The following SMG8 variants were observed in gnomAD, a reference collection of about 807,000 sequenced individuals.
SMG8 encodes the protein SMG8 nonsense mediated mRNA decay factor.
SMG8 carries 49 observed loss-of-function variants against 82.1 expected under a neutral mutation model. The ratio of observed to expected loss-of-function variants is 0.60; its 90% confidence interval spans 0.47 to 0.76. The LOEUF is 0.76. Ranked by LOEUF, SMG8 falls within the 30% of genes least tolerant of loss-of-function variation. SMG8 has a pLI of 0.00. For synonymous variants in SMG8, 404 were observed against 430.0 expected, an observed-to-expected ratio of 0.94 and a Z score of 0.75; for missense variants, 969 against 1,166.4, an observed-to-expected ratio of 0.83 and a Z score of 2.46.
intron 1 of SMG8, chr17:59,212,061 T>C (rs1267172733): frequency 4.7e-6 from 2 of 427,954 alleles, no homozygotes; most frequent in African/African-American, 4.1e-5. Flanking sequence ...AGTATAAAAT[T>C]TCAGACATCT....
Position 59,213,148 on chromosome 17 carries a change from G to A in SMG8, c.2325G>A (p.Lys775=). The change falls in exon 3 of 4, where the codon AAG becomes AAA. Residue 775 remains lysine, a synonymous_variant. Coordinates refer to ENST00000300917, the MANE Select transcript of SMG8 (RefSeq NM_018149.7). ...SWSLVKLGPA[K]SYNFHTGLDQ... ...CTTTGGTTAAACTAGGCCCTGCTAAGTCTTATAACTTTCATACAGGTTTGG... is the reference window on the plus strand; with the variant it reads ...CTTTGGTTAAACTAGGCCCTGCTAAATCTTATAACTTTCATACAGGTTTGG... 6.2e-7 allele frequency: 1 copy of A among 1,614,216 alleles called. No homozygotes were observed. The highest frequency in any genetic ancestry group is 8.5e-7 in the Non-Finnish European group (1 of 1,180,048).
In SMG8 at chr17:59,210,348, G is replaced by C. The variant is rs1437174341; in HGVS notation, c.297G>C (p.Val99=). The change falls in exon 1 of 4, where the codon GTG becomes GTC. Residue 99 remains valine (V), a synonymous_variant. Transcript: ENST00000300917. ...GPGIRTEAGA[V]GEAGGAEDPG... ...GAATCAGAACTGAGGCTGGCGCCGT[G>C]GGTGAGGCCGGTGGAGCCGAGGACC... 1.2e-6 allele frequency: 2 copies of C among 1,612,034 alleles called. No individual in the cohort carries two copies. The highest frequency in any genetic ancestry group is 1.1e-5 in the South Asian group (1 of 90,834).
chr17:59,210,833 G>A lies in SMG8; in HGVS notation c.782G>A (p.Cys261Tyr). 6.2e-7 allele frequency: 1 copy of A among 1,614,138 alleles called. No individual in the cohort carries two copies. Among genetic ancestry groups the A allele is most frequent in the Non-Finnish European group, 8.5e-7 (1 of 1,180,040 alleles). Residue 261 changes from cysteine to tyrosine, a missense_variant, in exon 1 of 4, where the codon TGC becomes TAC. Around this residue, in one of 3 missense-constraint regions of SMG8, gnomAD observed 662 missense variants for 884.8 expected, o/e 0.75. Coordinates refer to ENST00000300917, the MANE Select transcript of SMG8 (RefSeq NM_018149.7). Reference sequence around the variant, plus strand: ...GACTGGAAGCTAAACTGCCGACCTTGCCCACCTAGACTCCTTTTCCTCTTT... The same window carrying A: ...GACTGGAAGCTAAACTGCCGACCTTACCCACCTAGACTCCTTTTCCTCTTT... ...GKDWKLNCRPCPPRLLFLFQL... is the reference protein window; with the variant it reads ...GKDWKLNCRPYPPRLLFLFQL...
chr17:59,213,324 G>A lies in SMG8; in HGVS notation c.2501G>A (p.Gly834Glu), dbSNP rs2046953666. The A allele has an allele frequency of 6.2e-7, 1 of 1,614,116 alleles. No individual in the cohort carries two copies. The highest frequency in any genetic ancestry group is 1.3e-5 in the African/African-American group (1 of 74,952). Residue 834 changes from glycine to glutamate, a missense_variant, in exon 3 of 4, where the codon GGA becomes GAA. By Grantham distance (98) the Gly-to-Glu change is moderately conservative (BLOSUM62 -2). Transcript: ENST00000300917. Reference protein sequence around the residue: ...IPGKRSAVVMGRGRRRDDIAR... With the variant: ...IPGKRSAVVMERGRRRDDIAR... ...GGAAAGAGAAGTGCGGTTGTAATGG[G>A]AAGAGGAAGACGGCGAGATGACATA...
Position 59,210,846 on chromosome 17 carries a change from C to T in SMG8, c.795C>T (p.Leu265=). 6.2e-7 allele frequency: 1 copy of T among 1,614,204 alleles called. No individual in the cohort carries two copies. Residue 265 remains leucine (L), a synonymous_variant, in exon 1 of 4, where the codon CTC becomes CTT. Transcript: ENST00000300917. The stretch of plus-strand genomic sequence containing the variant: ...ACTGCCGACCTTGCCCACCTAGACT[C>T]CTTTTCCTCTTTCAACTCAATGGAG... ...KLNCRPCPPR[L]LFLFQLNGAL...
intron 1 of SMG8, 58 bp from the exon 2 acceptor site, chr17:59,212,283 G>A: frequency 4.8e-6 from 7 of 1,457,388 alleles, no homozygotes; most frequent in South Asian, 4.4e-5. Context: ...GTTGTAGAAT[G>A]CAAAGTAAAT....
At chr17:59,213,751 C>A in intron 3 of SMG8, 150 bp downstream of exon 3, 3 of 1,040,568 alleles carry the variant, frequency 2.9e-6, no homozygotes, top group Non-Finnish European at 4.1e-6. Context: ...CTTTGGGAGG[C>A]CAAGGTGGGA....
rs771507360 is a variant in SMG8 at position 59,210,133 on chromosome 17, A to C, written c.82A>C (p.Thr28Pro). The C allele has an allele frequency of 1.4e-5, 22 of 1,587,150 alleles. No homozygotes were observed. The highest frequency in any genetic ancestry group is 1.8e-5 in the Non-Finnish European group (21 of 1,168,264). ...CTCTGAAAGTCCCGGAGGGTCCCCTACTGAGGGCGGAGGGAGCGCGGCTGG... is the reference window on the plus strand; with the variant it reads ...CTCTGAAAGTCCCGGAGGGTCCCCTCCTGAGGGCGGAGGGAGCGCGGCTGG... ...MGSESPGGSP[T>P]EGGGSAAGGP... The change falls in exon 1 of 4, where the codon ACT (threonine) becomes CCT (proline). Residue 28 changes from threonine to proline, a missense_variant. Thr to Pro is a conservative substitution (Grantham distance 38). Coordinates refer to ENST00000300917, the MANE Select transcript of SMG8 (RefSeq NM_018149.7).
At position 59,210,627 on chromosome 17, in the gene SMG8, A is replaced by G. The variant is rs755434375; in HGVS notation, c.576A>G (p.Gln192=). The change falls in exon 1 of 4, where the codon CAA becomes CAG. Residue 192 remains glutamine, a synonymous_variant. Coordinates refer to ENST00000300917, the MANE Select transcript of SMG8 (RefSeq NM_018149.7). ...HAEAHEFWKH[Q]EKLQCLSLLY... The stretch of plus-strand genomic sequence containing the variant: ...AAGCACACGAGTTCTGGAAGCATCA[A>G]GAGAAGCTGCAGTGCCTCAGTCTCC... 2.5e-6 allele frequency: 4 copies of G among 1,611,336 alleles called. 1 individual carries two copies. The South Asian group carries it at 3.3e-5, about 13-fold the overall frequency.
rs751425986 is a variant in SMG8 at position 59,213,557 on chromosome 17, G to T, written c.2734G>T (p.Val912Phe). 6.2e-7 allele frequency: 1 copy of T among 1,613,788 alleles called. No homozygotes were observed. Residue 912 changes from valine (V) to phenylalanine (F), a missense_variant, in exon 3 of 4, where the codon GTT (valine) becomes TTT (phenylalanine). Physicochemically the swap from Val to Phe is conservative, Grantham distance 50. Coordinates refer to ENST00000300917, the MANE Select transcript of SMG8 (RefSeq NM_018149.7). ...PHYAQLMRLF[V>F]VVPDAPLQII... ...TTATGCTCAACTTATGAGGCTTTTT[G>T]TTGTGGTTCCTGATGCTCCTTTGCA...
rs1446457737 is a variant in SMG8 at position 59,211,608 on chromosome 17, C to T, written c.1557C>T (p.Tyr519=). 6.2e-7 allele frequency: 1 copy of T among 1,614,162 alleles called. No individual in the cohort carries two copies. Among genetic ancestry groups the T allele is most frequent in the African/African-American group, 1.3e-5 (1 of 75,062 alleles). ...SAYQSNLPHN[Y]TMTVHKNQLA... is the part of the protein sequence containing the mutation. ...ACCAGTCAAATTTGCCTCATAATTACACAATGACTGTCCATAAGAATCAGC... is the reference window on the plus strand; with the variant it reads ...ACCAGTCAAATTTGCCTCATAATTATACAATGACTGTCCATAAGAATCAGC... The change falls in exon 1 of 4, where the codon TAC becomes TAT. Residue 519 remains tyrosine, a synonymous_variant. Transcript: ENST00000300917.
chr17:59,210,701 G>A lies in SMG8; in HGVS notation c.650G>A (p.Cys217Tyr), dbSNP rs1205710242. The A allele has an allele frequency of 2.5e-6, 4 of 1,613,928 alleles. No homozygotes were observed. Among genetic ancestry groups the A allele is most frequent in the Non-Finnish European group, 3.4e-6 (4 of 1,180,016 alleles). ...ATCTTGCTTCTGGTCCATCCCACTTGTTCCTTTGATATCACTTATGATCGA... is the reference window on the plus strand; with the variant it reads ...ATCTTGCTTCTGGTCCATCCCACTTATTCCTTTGATATCACTTATGATCGA... ...CHILLLVHPT[C>Y]SFDITYDRVF... is the part of the protein sequence containing the mutation. The change falls in exon 1 of 4, where the codon TGT becomes TAT. Residue 217 changes from cysteine to tyrosine, a missense_variant. Transcript: ENST00000300917.
At chr17:59,213,741 C>A in intron 3 of SMG8, 140 bp downstream of exon 3, 1 of 1,124,412 alleles carries the variant, frequency 8.9e-7, no homozygotes, top group South Asian at 1.7e-5. Flanking sequence ...AATCCCAGAA[C>A]TTTGGGAGGC....
chr17:59,211,364 C>G lies in SMG8; in HGVS notation c.1313C>G (p.Ser438Cys). 6.2e-7 allele frequency: 1 copy of G among 1,614,184 alleles called. No individual in the cohort carries two copies. Among genetic ancestry groups the G allele is most frequent in the Non-Finnish European group, 8.5e-7 (1 of 1,180,038 alleles). The change falls in exon 1 of 4, where the codon TCC (serine) becomes TGC (cysteine). Residue 438 changes from serine (S) to cysteine (C), a missense_variant. Coordinates refer to ENST00000300917, the MANE Select transcript of SMG8 (RefSeq NM_018149.7). ...DDSVGRNPQP[S>C]HFELPTYQKW... Reference sequence around the variant, plus strand: ...AGTGTGGGCAGGAACCCACAGCCTTCCCATTTTGAACTTCCTACTTATCAG... The same window carrying G: ...AGTGTGGGCAGGAACCCACAGCCTTGCCATTTTGAACTTCCTACTTATCAG...
At position 59,211,173 on chromosome 17, in the gene SMG8, T is replaced by G; in HGVS notation, c.1122T>G (p.Ser374=). Residue 374 remains serine (S), a synonymous_variant, in exon 1 of 4, where the codon TCT becomes TCG. Coordinates refer to ENST00000300917, the MANE Select transcript of SMG8 (RefSeq NM_018149.7). Reference sequence around the variant, plus strand: ...CTTTGCTGGTGCCTGCACCCCTTTCTGGGCCTAGGCGATACCAGGTGATGA... The same window carrying G: ...CTTTGCTGGTGCCTGCACCCCTTTCGGGGCCTAGGCGATACCAGGTGATGA... ...PESLLVPAPL[S]GPRRYQVMRQ... 6.2e-7 allele frequency: 1 copy of G among 1,614,214 alleles called. No individual in the cohort carries two copies. The highest frequency in any genetic ancestry group is 1.1e-5 in the South Asian group (1 of 91,074).
In SMG8 at chr17:59,213,012, C is replaced by CG; in HGVS notation, c.2189_2190insG (p.Glu731Ter). The stretch of plus-strand genomic sequence containing the variant: ...GTTCATGGTCAAGTAGAAGTGAAAA[C>CG]TGAGAAGAGGCCAAACTTCGTTGAT... On this transcript the variant is annotated frameshift_variant, in exon 3 of 4. Coordinates refer to ENST00000300917, the MANE Select transcript of SMG8 (RefSeq NM_018149.7). LOFTEE classifies it high-confidence loss of function. The CG allele has an allele frequency of 6.2e-7, 1 of 1,614,144 alleles. No individual in the cohort carries two copies. Among genetic ancestry groups the CG allele is most frequent in the Non-Finnish European group, 8.5e-7 (1 of 1,180,036 alleles).
Position 59,211,211 on chromosome 17 carries a change from GACA to G in SMG8, c.1166_1168del (p.Gln389del), listed in dbSNP as rs3060946. The G allele has an allele frequency of 1.4e-3, 2,260 of 1,614,182 alleles. 8 individuals carry two copies. The highest frequency in any genetic ancestry group is 1.1e-3 in the Non-Finnish European group (1,355 of 1,180,014). On this transcript the variant is annotated inframe_deletion, in exon 1 of 4. Coordinates refer to ENST00000300917, the MANE Select transcript of SMG8 (RefSeq NM_018149.7). ...TACCAGGTGATGAGGCAGCACAGCC[GACA>G]ACAACTTTCCTTTCACATTGACAGC...
At chr17:59,212,518 T>A (rs374031284) in intron 2 of SMG8, 32 bp downstream of exon 2, 125 of 1,579,850 alleles carry the variant, frequency 7.9e-5, no homozygotes, top group Non-Finnish European at 8.6e-5. Context: ...CTTCCTCTTC[T>A]GTCTTTTTTT....
At chr17:59,212,271 ATGT>A in intron 1 of SMG8, 67 bp from the exon 2 acceptor site, 2 of 1,346,802 alleles carry the variant, frequency 1.5e-6, no homozygotes, top group Admixed American at 2.0e-5. Context: ...GTGGGGTTAG[ATGT>A]TGTAGAATGC....
Sources: allele counts gnomAD v4.1 joint callset, GRCh38; gene constraint gnomAD v4.1.1; regional missense constraint gnomAD v4.1.1; transcripts MANE v1.5; gene names NCBI Gene and HGNC (gene_info 2026-07-23, HGNC 2026-07-21).